IDNK: variants seen among roughly 807,000 people sequenced by gnomAD.
The protein encoded by IDNK is IDNK gluconokinase, also known as gluconokinase.
A neutral mutation model predicts 13.0 loss-of-function variants in IDNK; 9 were observed. That is an observed-to-expected ratio of 0.69 (90% CI 0.42 to 1.21). IDNK has a LOEUF of 1.21. Ranked by LOEUF, IDNK falls within the 50% of genes most tolerant of loss-of-function variation. The pLI is 0.00. For synonymous variants in IDNK, 92 were observed against 94.9 expected (o/e 0.97, Z 0.18); for missense variants, 210 against 237.8 (o/e 0.88, Z 0.77).
chr9:83,636,609 A>G (rs1301256608), intron 3 of IDNK, among the ~76,000 whole-genome samples: 1 of 152,204 alleles, frequency 6.6e-6, no homozygotes, highest in Non-Finnish European at 1.5e-5. Flanking sequence ...CCAAGAGCAC[A>G]TAAAGTCTCC....
Position 83,628,164 on chromosome 9 carries a change from CTG to C in IDNK, c.51-13_51-12del. ...TTGGGCAGGGCAGTAACGGGAACAT[CTG>C]TGTCCTCTCCACAGATCCACCGTGG... is the stretch of plus-strand genomic sequence containing the variant. On this transcript the variant is annotated splice_polypyrimidine_tract_variant and intron_variant, in intron 1 of 4. Transcript: ENST00000376419. The C allele has an allele frequency of 6.4e-7, 1 of 1,550,526 alleles. No homozygotes were observed. The highest frequency in any genetic ancestry group is 1.4e-5 in the African/African-American group (1 of 73,158).
chr9:83,636,714 T>C (rs1042600764), intron 3 of IDNK, among the ~76,000 whole-genome samples: 9 of 152,244 alleles, frequency 5.9e-5, no homozygotes, highest in African/African-American at 1.7e-4. Flanking sequence ...GGGCAGACTG[T>C]CAACTTCTCA....
rs148597807 is a variant in IDNK at position 83,633,338 on chromosome 9, C to T, written c.168+4379C>T. Among the ~76,000 whole-genome samples the T allele has an allele frequency of 8.3e-3, 1,263 of 151,592 alleles. 21 individuals are homozygous for T. Among genetic ancestry groups the T allele is most frequent in the African/African-American group, 0.029 (1,209 of 41,296 alleles). On this transcript the variant is annotated intron_variant, in intron 3 of 4. Coordinates refer to ENST00000376419, the MANE Select transcript of IDNK (RefSeq NM_001001551.4). ...TGGGTGACAGAGCAAGACTACATCTCAAAAATAAAAAAATAAAAGAAGATT... is the reference window on the plus strand; with the variant it reads ...TGGGTGACAGAGCAAGACTACATCTTAAAAATAAAAAAATAAAAGAAGATT...
At chr9:83,633,159 G>A (rs193238604) in intron 3 of IDNK, among the ~76,000 whole-genome samples, 1 of 152,214 alleles carries the variant, frequency 6.6e-6, no homozygotes, top group Admixed American at 6.5e-5. Context: ...CTAACACGGT[G>A]AAATCCCGTC....
intron 1 of IDNK, 137 bp from the exon 2 acceptor site, chr9:83,628,044 A>G: frequency 6.8e-7 from 1 of 1,480,212 alleles, no homozygotes; most frequent in Non-Finnish European, 9.0e-7. Flanking sequence ...CACGGGCATC[A>G]CTGCTTTAGG....
chr9:83,624,712 T>TTG (rs1554722527), intron 1 of IDNK, among the ~76,000 whole-genome samples: 231 of 151,490 alleles, frequency 1.5e-3, no homozygotes, highest in South Asian at 8.6e-3. Flanking sequence ...TTTTGTTTTT[T>TTG]TTTTGTTTTG....
At chr9:83,639,809 T>C (rs757151405) in intron 3 of IDNK, among the ~76,000 whole-genome samples, 2 of 152,222 alleles carry the variant, frequency 1.3e-5, no homozygotes, top group African/African-American at 2.4e-5. Context: ...GTATAATTTA[T>C]AGTAAGGGCA....
Position 83,644,096 on chromosome 9 carries a change from T to C in IDNK, c.*316T>C, listed in dbSNP as rs1831393495. 2 of 276,368 alleles carry C rather than the reference T, an allele frequency of 7.2e-6. No homozygotes were observed. The highest frequency in any genetic ancestry group is 2.2e-5 in the African/African-American group (1 of 44,612). 17.1% of individuals were successfully genotyped at this position (276,368 alleles called of 1,614,324 possible). On this transcript the variant is annotated 3_prime_UTR_variant, in exon 5 of 5. Coordinates refer to ENST00000376419, the MANE Select transcript of IDNK (RefSeq NM_001001551.4). Reference sequence around the variant, plus strand: ...AGAACATTCTTGCTCATGCCTGTATTTGCACAAATAAATGAAACTTCGCTG... The same window carrying C: ...AGAACATTCTTGCTCATGCCTGTATCTGCACAAATAAATGAAACTTCGCTG...
chr9:83,629,412 C>T (rs1209926526), intron 3 of IDNK, among the ~76,000 whole-genome samples: 2 of 152,190 alleles, frequency 1.3e-5, no homozygotes, highest in East Asian at 3.9e-4. Flanking sequence ...AGGCTTCCCA[C>T]CAACCTCAGG....
Position 83,623,216 on chromosome 9 carries a change from G to T in IDNK, c.45G>T (p.Ser15=). The T allele has an allele frequency of 7.1e-7, 1 of 1,403,510 alleles. No individual in the cohort carries two copies. Among genetic ancestry groups the T allele is most frequent in the Non-Finnish European group, 9.2e-7 (1 of 1,083,124 alleles). 86.9% of individuals were successfully genotyped at this position (1,403,510 alleles called of 1,614,324 possible). Residue 15 remains serine (S), a synonymous_variant, in exon 1 of 5, where the codon TCG becomes TCT. Coordinates refer to ENST00000376419, the MANE Select transcript of IDNK (RefSeq NM_001001551.4). Reference sequence around the variant, plus strand: ...TGCTGGTGATGGGCGTGAGCGGCTCGGGGAAGTAGGTCCGGGAGAGGGCGG... The same window carrying T: ...TGCTGGTGATGGGCGTGAGCGGCTCTGGGAAGTAGGTCCGGGAGAGGGCGG... ...GALLVMGVSG[S]GKSTVGALLA...
At chr9:83,631,450 T>TAAAAAAAAAA (rs1831010078) in intron 3 of IDNK, among the ~76,000 whole-genome samples, 1 of 8,972 alleles carries the variant, frequency 1.1e-4, no homozygotes, top group African/African-American at 8.2e-4. Flanking sequence ...CTACAAAAAC[T>TAAAAAAAAAA]GAAAAAAAAA....
intron 4 of IDNK, 25 bp from the exon 5 acceptor site, chr9:83,643,404 C>CTTTTTTTT (rs758177728): frequency 2.2e-6 from 3 of 1,362,724 alleles, no homozygotes; most frequent in African/African-American, 1.5e-5. Context: ...TAGCCTCCCT[C>CTTTTTTTT]TTTTTTTTTT....
Position 83,643,299 on chromosome 9 carries a change from T to C in IDNK, c.213-130T>C, listed in dbSNP as rs1338179550. The C allele has an allele frequency of 5.7e-6, 4 of 698,544 alleles. No individual in the cohort carries two copies. The East Asian group carries it at 1.1e-4, about 19-fold the overall frequency. 43.3% of individuals were successfully genotyped at this position (698,544 alleles called of 1,614,324 possible). ...CTCGATGCTAGGACTGCCTGATGCT[T>C]AAACACCATTTTCTAATGCCTTCCA... is the stretch of plus-strand genomic sequence containing the variant. On this transcript the variant is annotated intron_variant, in intron 4 of 4. Transcript: ENST00000376419.
chr9:83,639,866 A>C (rs572672896), intron 3 of IDNK, among the ~76,000 whole-genome samples: 1 of 152,364 alleles, frequency 6.6e-6, no homozygotes, highest in Admixed American at 6.5e-5. Context: ...AGGTGATAAA[A>C]AGTGACTATC....
chr9:83,643,482 C>A lies in IDNK; in HGVS notation c.266C>A (p.Thr89Lys), dbSNP rs149198015. The change falls in exon 5 of 5, where the codon ACG (threonine) becomes AAG (lysine). Residue 89 changes from threonine to lysine, a missense_variant. Thr to Lys is a moderately conservative substitution (Grantham distance 78). Transcript: ENST00000376419. ...CTAGCCTGTTCAGCCCTGAAGAAAA[C>A]GTACAGAGACATATTAACACAAGGA... ...VVLACSALKK[T>K]YRDILTQGKD... is the part of the protein sequence containing the mutation. 1.1e-5 allele frequency: 18 copies of A among 1,613,630 alleles called. No individual in the cohort carries two copies. The highest frequency in any genetic ancestry group is 1.4e-5 in the Non-Finnish European group (16 of 1,179,908).
At position 83,633,542 on chromosome 9, in the gene IDNK, A is replaced by G. The variant is rs534040927; in HGVS notation, c.168+4583A>G. ...AGTATGGTGCTTTGCACCACATTTA[A>G]TGTTTGTGGAATTAAGGCCCAGTGC... is the stretch of plus-strand genomic sequence containing the variant. On this transcript the variant is annotated intron_variant, in intron 3 of 4. Transcript: ENST00000376419. 5.3e-5 allele frequency among the ~76,000 whole-genome samples: 8 copies of G among 152,276 alleles called. No individual in the cohort carries two copies. The South Asian group carries it at 1.5e-3, about 28-fold the overall frequency.
rs113254480 is a variant in IDNK, at chr9:83,633,445, T to C, written c.168+4486T>C. Among the ~76,000 whole-genome samples, 715 of 152,340 alleles carry C rather than the reference T, an allele frequency of 4.7e-3. 7 individuals carry two copies. Among genetic ancestry groups the C allele is most frequent in the African/African-American group, 0.014 (596 of 41,568 alleles). On this transcript the variant is annotated intron_variant, in intron 3 of 4. Coordinates refer to ENST00000376419, the MANE Select transcript of IDNK (RefSeq NM_001001551.4). Reference sequence around the variant, plus strand: ...CATCACTGCCCTGCAGGTGACTTAATAGATTACTCATTTGCCTCTTCTCTT... The same window carrying C: ...CATCACTGCCCTGCAGGTGACTTAACAGATTACTCATTTGCCTCTTCTCTT...
chr9:83,633,693 C>G (rs1323760354), intron 3 of IDNK, among the ~76,000 whole-genome samples: 1 of 152,172 alleles, frequency 6.6e-6, no homozygotes, highest in Non-Finnish European at 1.5e-5. Context: ...CAGAGCAGCT[C>G]AATGAATTAT....
chr9:83,640,772 A>G (rs532857405), intron 3 of IDNK, among the ~76,000 whole-genome samples: 22 of 152,252 alleles, frequency 1.4e-4, no homozygotes, highest in African/African-American at 4.8e-4. Flanking sequence ...TTGAACCCAG[A>G]AGGCAGAGGT....
Sources: gnomAD v4.1 joint callset for allele counts (sites outside exome capture counted in the v4.1 genomes callset) on GRCh38, gnomAD v4.1.1 for gene constraint, MANE v1.5 for transcripts, NCBI Gene and HGNC (gene_info 2026-07-23, HGNC 2026-07-21) for gene names.